The following ADGRB3 variants were observed in gnomAD, a reference collection of about 807,000 sequenced individuals.
ADGRB3 encodes the protein adhesion G protein-coupled receptor B3, also known as brain-specific angiogenesis inhibitor 3.
In ADGRB3, 37 loss-of-function variants were observed where a neutral mutation model predicts 193.4. The observed-to-expected ratio is 0.19, with a 90% CI of 0.15 to 0.25. The LOEUF (loss-of-function observed/expected upper bound fraction) is 0.25, where lower values mean the gene tolerates loss of function less well. Ranked by LOEUF, ADGRB3 falls within the 10% of genes least tolerant of loss-of-function variation. The pLI, the probability that ADGRB3 is intolerant of heterozygous loss-of-function variation, is 1.00. For missense variants in ADGRB3, 1,637 were observed against 1,852.9 expected (o/e 0.88, Z 2.14); for synonymous variants, 690 against 644.2 (o/e 1.07, Z -1.08).
intron 3 of ADGRB3, among the ~76,000 whole-genome samples, chr6:68,717,202 G>GT (rs1765503275): frequency 6.6e-6 from 1 of 151,598 alleles, no homozygotes; most frequent in Admixed American, 6.6e-5. Flanking sequence ...TACTTCTGCC[G>GT]TATCAACAGT....
intron 3 of ADGRB3, among the ~76,000 whole-genome samples, chr6:68,706,884 A>G (rs558019121): frequency 3.9e-5 from 6 of 152,170 alleles, no homozygotes; most frequent in African/African-American, 1.4e-4. Context: ...GGCCGAGGCA[A>G]GCAGCTCACC....
Position 69,388,709 on chromosome 6 carries a change from C to T in ADGRB3, c.4387C>T (p.Pro1463Ser). Residue 1463 changes from proline to serine, a missense_variant, in exon 32 of 32, where the codon CCC (proline) becomes TCC (serine). Pro to Ser is a moderately conservative substitution (Grantham distance 74, BLOSUM62 -1). Transcript: ENST00000370598. ...TTCCCTCTCTTCTCAACAGGAAAACCCCGCACCAAACAAGAATCCATGGGA... is the reference window on the plus strand; with the variant it reads ...TTCCCTCTCTTCTCAACAGGAAAACTCCGCACCAAACAAGAATCCATGGGA... ...DIPNTSSMEN[P>S]APNKNPWDTF... 6.2e-7 allele frequency: 1 copy of T among 1,612,338 alleles called. No homozygotes were observed. Among genetic ancestry groups the T allele is most frequent in the Admixed American group, 1.7e-5 (1 of 59,804 alleles).
At chr6:69,251,462 C>A (rs1316665641) in intron 20 of ADGRB3, among the ~76,000 whole-genome samples, 1 of 152,018 alleles carries the variant, frequency 6.6e-6, no homozygotes, top group Non-Finnish European at 1.5e-5. Flanking sequence ...CACTGTATAA[C>A]CAGTGCTGAA....
intron 17 of ADGRB3, among the ~76,000 whole-genome samples, chr6:69,173,586 A>G (rs1373325183): frequency 3.3e-5 from 5 of 152,202 alleles, no homozygotes; most frequent in Non-Finnish European, 7.3e-5. Context: ...GTGCATTTTT[A>G]CACAATTAAA....
At chr6:68,837,551 T>C (rs997388253) in intron 3 of ADGRB3, among the ~76,000 whole-genome samples, 8 of 152,202 alleles carry the variant, frequency 5.3e-5, no homozygotes, top group Non-Finnish European at 1.2e-4. Context: ...AAGCAAAAGA[T>C]TTTATCAATA....
chr6:69,151,730 G>A (rs1774684863), intron 17 of ADGRB3, among the ~76,000 whole-genome samples: 1 of 152,106 alleles, frequency 6.6e-6, no homozygotes, highest in South Asian at 2.1e-4. Context: ...AAATGGTTTT[G>A]CTATTTGTTT....
chr6:69,279,629 T>C (rs1187444573), intron 20 of ADGRB3, among the ~76,000 whole-genome samples: 2 of 152,142 alleles, frequency 1.3e-5, no homozygotes, highest in African/African-American at 2.4e-5. Flanking sequence ...ATATGCTTCA[T>C]CCTGACATTA....
intron 30 of ADGRB3, among the ~76,000 whole-genome samples, chr6:69,375,180 A>G (rs913045656): frequency 1.3e-5 from 2 of 152,018 alleles, no homozygotes; most frequent in African/African-American, 2.4e-5. Context: ...AGCTTTTTCT[A>G]TTGTATTTTG....
At chr6:68,652,853 G>T (rs993732014) in intron 3 of ADGRB3, among the ~76,000 whole-genome samples, 1 of 151,922 alleles carries the variant, frequency 6.6e-6, no homozygotes, top group African/African-American at 2.4e-5. Flanking sequence ...ATCCTTAACC[G>T]AAGACATGTT....
chr6:69,094,809 C>G (rs1772823612), intron 17 of ADGRB3, among the ~76,000 whole-genome samples: 1 of 152,012 alleles, frequency 6.6e-6, no homozygotes, highest in South Asian at 2.1e-4. Context: ...TGCAAAGATA[C>G]TACCAATGTA....
chr6:68,977,268 G>A (rs1406472788), intron 10 of ADGRB3, among the ~76,000 whole-genome samples: 1 of 151,566 alleles, frequency 6.6e-6, no homozygotes, highest in African/African-American at 2.4e-5. Context: ...TCAAAATTAG[G>A]TATAAGTAAA....
intron 3 of ADGRB3, among the ~76,000 whole-genome samples, chr6:68,656,326 A>C (rs1162183396): frequency 2.0e-5 from 3 of 151,570 alleles, no homozygotes; most frequent in African/African-American, 4.8e-5. Context: ...CACCTTCTGG[A>C]GGAGATTTTG....
intron 17 of ADGRB3, among the ~76,000 whole-genome samples, chr6:69,179,852 A>C (rs564042026): frequency 6.6e-6 from 1 of 152,302 alleles, no homozygotes; most frequent in Non-Finnish European, 1.5e-5. Flanking sequence ...TGTGGCCTGT[A>C]ATGACTAGGC....
chr6:69,327,899 T>C lies in ADGRB3; in HGVS notation c.3035+10T>C, dbSNP rs762424659. The stretch of plus-strand genomic sequence containing the variant: ...ATGGCACTGATCACTAGTAAGTCCA[T>C]CCACAGAGATAAATCATGTTTATAA... On this transcript the variant is annotated intron_variant, in intron 22 of 31. Transcript: ENST00000370598. 1.3e-6 allele frequency: 2 copies of C among 1,591,482 alleles called. No individual in the cohort carries two copies. Among genetic ancestry groups the C allele is most frequent in the Non-Finnish European group, 1.7e-6 (2 of 1,163,162 alleles).
chr6:68,896,671 T>C (rs1263542353), intron 3 of ADGRB3, among the ~76,000 whole-genome samples: 3 of 152,058 alleles, frequency 2.0e-5, no homozygotes, highest in African/African-American at 7.2e-5. Context: ...AAGGAAAGAA[T>C]CAATTAGGGG....
At chr6:69,200,912 T>C (rs1246909037) in intron 17 of ADGRB3, among the ~76,000 whole-genome samples, 1 of 152,122 alleles carries the variant, frequency 6.6e-6, no homozygotes, top group African/African-American at 2.4e-5. Context: ...AGAAGAAGCA[T>C]TTAGAATCCA....
intron 3 of ADGRB3, among the ~76,000 whole-genome samples, chr6:68,699,750 G>A (rs957954145): frequency 1.3e-5 from 2 of 151,314 alleles, no homozygotes; most frequent in Admixed American, 6.6e-5. Context: ...ACCAATTAGT[G>A]TGCTGGAGCA....
intron 17 of ADGRB3, among the ~76,000 whole-genome samples, chr6:69,137,534 C>G (rs564275992): frequency 1.3e-5 from 2 of 152,216 alleles, no homozygotes; most frequent in East Asian, 3.9e-4. Flanking sequence ...CATGGTGGCT[C>G]ATGCCTGTAA....
At chr6:68,748,853 C>T (rs1007288939) in intron 3 of ADGRB3, among the ~76,000 whole-genome samples, 3 of 152,182 alleles carry the variant, frequency 2.0e-5, no homozygotes, top group Non-Finnish European at 2.9e-5. Context: ...CAGGCGTTTC[C>T]ACACATCTTC....
Sources: gnomAD v4.1 joint callset for allele counts (sites outside exome capture counted in the v4.1 genomes callset) on GRCh38, gnomAD v4.1.1 for gene constraint, MANE v1.5 for transcripts, NCBI Gene and HGNC (gene_info 2026-07-23, HGNC 2026-07-21) for gene names.